ZNF333: variants seen among roughly 807,000 people sequenced by gnomAD.
ZNF333 encodes the protein zinc finger protein 333.
ZNF333 carries 61 observed loss-of-function variants against 76.1 expected under a neutral mutation model. The ratio of observed to expected loss-of-function variants is 0.80; its 90% CI spans 0.65 to 0.99. The LOEUF (loss-of-function observed/expected upper bound fraction) is 0.99. Ranked by LOEUF, ZNF333 falls within the 50% of genes least tolerant of loss-of-function variation. ZNF333 has a pLI of 0.00. For missense variants in ZNF333, 717 were observed against 822.4 expected, an observed-to-expected ratio of 0.87 and a Z score of 1.57; for synonymous variants, 284 against 305.0, an observed-to-expected ratio of 0.93 and a Z score of 0.72.
chr19:14,693,348 G>C (rs1972912333), intron 1 of ZNF333, 103 bp from the exon 2 acceptor site: 2 of 792,084 alleles, frequency 2.5e-6, no homozygotes, highest in African/African-American at 3.4e-5. Context: ...GGAGATAAAT[G>C]TCCTGTAAGG....
rs144960853 is a variant in ZNF333 at position 14,717,068 on chromosome 19, G to A, written c.802G>A (p.Val268Ile). ...RGEQWTTDRGVLSDTCAEPQC... is the reference protein window; with the variant it reads ...RGEQWTTDRGILSDTCAEPQC... ...AGAGCAGTGGACCACTGACAGGGGC[G>A]TCCTCTCAGACACCTGTGCAGGTGA... Residue 268 changes from valine (V) to isoleucine (I), a missense_variant, in exon 10 of 12, where the codon GTC becomes ATC. Val to Ile is a conservative substitution (Grantham distance 29). Transcript: ENST00000292530. 189 of 1,608,374 alleles carry A rather than the reference G, an allele frequency of 1.2e-4. No individual in the cohort carries two copies. The East Asian group carries it at 1.3e-3, about 11-fold the overall frequency.
In ZNF333 at chr19:14,693,506, G is replaced by A. The variant is rs1972923892; in HGVS notation, c.3+12G>A. 6.2e-7 allele frequency: 1 copy of A among 1,600,300 alleles called. No individual in the cohort carries two copies. The highest frequency in any genetic ancestry group is 1.3e-5 in the African/African-American group (1 of 74,810). The stretch of plus-strand genomic sequence containing the variant: ...GCTCCAGTGTCATGGTGAGGAAACT[G>A]GGGGCTCCTGTGGCTGAAGGGGTGG... On this transcript the variant is annotated intron_variant, in intron 2 of 11. Transcript: ENST00000292530.
At chr19:14,709,053 G>A (rs2042200192) in intron 7 of ZNF333, 1 of 152,286 alleles carries the variant, frequency 6.6e-6, no homozygotes, top group Non-Finnish European at 1.5e-5. Flanking sequence ...GATAGTGAGT[G>A]AGTTCTCACG....
chr19:14,717,605 CCA>C, intron 10 of ZNF333, 50 bp from the exon 11 acceptor site: 1 of 1,535,326 alleles, frequency 6.5e-7, no homozygotes, highest in Non-Finnish European at 9.0e-7. Context: ...GACCTTGATC[CCA>C]CAGTTTCTTT....
chr19:14,733,522 G>A (rs1354019580), exon 12 of ZNF333: 1 of 151,912 alleles, frequency 6.6e-6, no homozygotes, highest in Non-Finnish European at 1.5e-5. Flanking sequence ...AGACTTGGGG[G>A]GTATGCCTAC....
chr19:14,710,612 T>A (rs2042246662), intron 7 of ZNF333, among the ~76,000 whole-genome samples: 1 of 152,104 alleles, frequency 6.6e-6, no homozygotes, highest in Admixed American at 6.6e-5. Flanking sequence ...ACCCTGTCTC[T>A]ACTAAAAATG....
intron 10 of ZNF333, 75 bp from the exon 11 acceptor site, chr19:14,717,582 C>T: frequency 1.5e-6 from 2 of 1,324,088 alleles, no homozygotes. Flanking sequence ...TGTGCCTTGC[C>T]TACTTTTGAG....
Position 14,718,795 on chromosome 19 carries a change from C to G in ZNF333, c.1468C>G (p.His490Asp). 2 of 1,613,950 alleles carry G rather than the reference C, an allele frequency of 1.2e-6. No homozygotes were observed. Among genetic ancestry groups the G allele is most frequent in the Non-Finnish European group, 1.7e-6 (2 of 1,179,982 alleles). ...CSQCGKAFRE[H>D]SSLKTHLRTH... ...CCAGTGTGGGAAAGCCTTCAGGGAA[C>G]ACTCTTCACTGAAGACACATCTGCG... Residue 490 changes from histidine (H) to aspartate (D), a missense_variant, in exon 12 of 12, where the codon CAC becomes GAC. Coordinates refer to ENST00000292530, the MANE Select transcript of ZNF333 (RefSeq NM_032433.4).
At chr19:14,712,992 C>T (rs2042321807) in intron 7 of ZNF333, among the ~76,000 whole-genome samples, 1 of 151,904 alleles carries the variant, frequency 6.6e-6, no homozygotes, top group Non-Finnish European at 1.5e-5. Context: ...AAGTTTTAAT[C>T]CATTCCAGCG....
chr19:14,704,256 G>C (rs2042046952), intron 5 of ZNF333, among the ~76,000 whole-genome samples: 1 of 152,052 alleles, frequency 6.6e-6, no homozygotes, highest in Non-Finnish European at 1.5e-5. Context: ...TAGTTACTAG[G>C]TCTGAGGCTA....
At chr19:14,697,466 A>G (rs1049203469) in intron 4 of ZNF333, among the ~76,000 whole-genome samples, 2 of 149,668 alleles carry the variant, frequency 1.3e-5, no homozygotes, top group African/African-American at 4.9e-5. Flanking sequence ...GGCTCAAGCA[A>G]TCCTCCCACC....
intron 11 of ZNF333, among the ~76,000 whole-genome samples, chr19:14,717,995 T>C (rs1412341978): frequency 6.6e-6 from 1 of 152,182 alleles, no homozygotes; most frequent in Non-Finnish European, 1.5e-5. Flanking sequence ...TTACACAAAT[T>C]GGAAAAATTC....
rs572639111 is a variant in ZNF333, at chr19:14,720,257, C to T, written c.*932C>T. 1.1e-4 allele frequency: 111 copies of T among 985,342 alleles called. No individual in the cohort carries two copies. Among genetic ancestry groups the T allele is most frequent in the Admixed American group, 1.8e-4 (3 of 16,272 alleles). 61.0% of individuals were successfully genotyped at this position (985,342 alleles called of 1,614,324 possible). A position where few individuals can be genotyped will look rare whatever the true frequency, so the allele number is the denominator to read the frequency against. ...GCAAGCAAGGGCAGGCCATTTCCTCCGGTCCTGGCTAGTATGAATATGAGA... is the reference window on the plus strand; with the variant it reads ...GCAAGCAAGGGCAGGCCATTTCCTCTGGTCCTGGCTAGTATGAATATGAGA... On this transcript the variant is annotated 3_prime_UTR_variant, in exon 12 of 12. Coordinates refer to ENST00000292530, the MANE Select transcript of ZNF333 (RefSeq NM_032433.4).
At chr19:14,698,899 GATATATAT>G (rs60299211) in intron 4 of ZNF333, among the ~76,000 whole-genome samples, 1,589 of 132,690 alleles carry the variant, frequency 0.012, 27 homozygotes, top group African/African-American at 0.03. Context: ...CACAAATATA[GATATATAT>G]ATATATATAT....
chr19:14,715,283 A>T, intron 7 of ZNF333, 99 bp from the exon 8 acceptor site: 1 of 941,228 alleles, frequency 1.1e-6, no homozygotes, highest in Non-Finnish European at 1.7e-6. Context: ...GTGTGTGTAC[A>T]CATGTGATCA....
At chr19:14,701,538 A>G (rs2041958320) in intron 5 of ZNF333, 2 of 980,548 alleles carry the variant, frequency 2.0e-6, no homozygotes, top group South Asian at 9.4e-5. Context: ...TGCAGAAGGC[A>G]TCTCCAGTTC....
At chr19:14,692,170 A>G (rs542995204) in intron 1 of ZNF333, among the ~76,000 whole-genome samples, 1 of 152,202 alleles carries the variant, frequency 6.6e-6, no homozygotes, top group Non-Finnish European at 1.5e-5. Flanking sequence ...TCTAGCTAAT[A>G]ATATTGGTAA....
chr19:14,698,714 A>G (rs964586994), intron 4 of ZNF333, among the ~76,000 whole-genome samples: 5 of 147,494 alleles, frequency 3.4e-5, no homozygotes, highest in African/African-American at 1.3e-4. Context: ...GGTGGCGGGT[A>G]CCTGTAATCC....
chr19:14,706,356 A>C, intron 6 of ZNF333: 1 of 393,900 alleles, frequency 2.5e-6, no homozygotes, highest in Non-Finnish European at 4.9e-6. Flanking sequence ...TCCACCTCCA[A>C]ACTCCATCTT....
Sources: gnomAD v4.1 joint callset for allele counts (sites outside exome capture counted in the v4.1 genomes callset) on GRCh38, gnomAD v4.1.1 for gene constraint, MANE v1.5 for transcripts, NCBI Gene and HGNC (gene_info 2026-07-23, HGNC 2026-07-21) for gene names.